Variants in CDK14 observed in about 807,000 individuals in gnomAD.
CDK14 encodes the protein cyclin-dependent kinase 14.
In CDK14, 34 loss-of-function variants were observed where a neutral mutation model predicts 60.7. The ratio of observed to expected loss-of-function variants is 0.56; its 90% CI spans 0.43 to 0.75. The LOEUF (loss-of-function observed/expected upper bound fraction) is 0.75. Ranked by LOEUF, CDK14 falls within the 30% of genes least tolerant of loss-of-function variation. The pLI, the probability that CDK14 is intolerant of heterozygous loss-of-function variation, is 0.00. For synonymous variants in CDK14, 197 were observed against 203.7 expected, an observed-to-expected ratio of 0.97 and a Z score of 0.28; for missense variants, 482 against 564.1, an observed-to-expected ratio of 0.85 and a Z score of 1.47.
intron 2 of CDK14, among the ~76,000 whole-genome samples, chr7:90,647,547 G>A (rs759830959): frequency 6.7e-6 from 1 of 148,734 alleles, no homozygotes; most frequent in Non-Finnish European, 1.5e-5. Context: ...AAGCAGTTTT[G>A]AGTGAAGGTG....
intron 7 of CDK14, among the ~76,000 whole-genome samples, chr7:90,908,416 C>T (rs1022142388): frequency 2.6e-5 from 4 of 152,080 alleles, no homozygotes; most frequent in Non-Finnish European, 5.9e-5. Context: ...CGTTAAAACC[C>T]AGATTGAAAA....
chr7:90,635,433 C>G (rs1277615842), intron 2 of CDK14, among the ~76,000 whole-genome samples: 1 of 152,136 alleles, frequency 6.6e-6, no homozygotes, highest in Admixed American at 6.6e-5. Context: ...TGTCAAAGAT[C>G]AGATAGTTGT....
intron 5 of CDK14, among the ~76,000 whole-genome samples, chr7:90,813,404 G>A (rs1040184332): frequency 2.0e-5 from 3 of 152,122 alleles, no homozygotes; most frequent in African/African-American, 7.2e-5. Flanking sequence ...GCATACAACT[G>A]GTGGGTTTTA....
At chr7:90,883,026 A>G (rs1482756988) in intron 6 of CDK14, among the ~76,000 whole-genome samples, 1 of 152,170 alleles carries the variant, frequency 6.6e-6, no homozygotes, top group Non-Finnish European at 1.5e-5. Context: ...CATCACAATT[A>G]AAAGAGCTAG....
chr7:90,755,038 G>A (rs1326156742), intron 4 of CDK14, among the ~76,000 whole-genome samples: 1 of 152,214 alleles, frequency 6.6e-6, no homozygotes, highest in African/African-American at 2.4e-5. Context: ...TTCAGCCACT[G>A]TGGAAATCAG....
At chr7:91,094,091 T>C (rs1366434494) in intron 12 of CDK14, among the ~76,000 whole-genome samples, 1 of 152,036 alleles carries the variant, frequency 6.6e-6, no homozygotes, top group Non-Finnish European at 1.5e-5. Flanking sequence ...ACCTGGGTAA[T>C]GGGATCATTC....
intron 2 of CDK14, among the ~76,000 whole-genome samples, chr7:90,683,118 A>G (rs1415338381): frequency 1.3e-5 from 2 of 152,184 alleles, no homozygotes; most frequent in South Asian, 4.1e-4. Flanking sequence ...CCCTAGAGTT[A>G]GCATTCATCG....
chr7:90,826,423 TG>T (rs1789724913), intron 5 of CDK14, among the ~76,000 whole-genome samples: 1 of 152,074 alleles, frequency 6.6e-6, no homozygotes, highest in South Asian at 2.1e-4. Context: ...TTCACCACGT[TG>T]TCCAGGCTGG....
chr7:91,196,230 C>T (rs923643484), intron 14 of CDK14, among the ~76,000 whole-genome samples: 7 of 152,078 alleles, frequency 4.6e-5, no homozygotes, highest in Admixed American at 3.9e-4. Flanking sequence ...TGATTGGTCA[C>T]GTTTGTCTAT....
intron 2 of CDK14, 92 bp downstream of exon 2, chr7:90,604,341 A>G: frequency 1.6e-6 from 1 of 644,802 alleles, no homozygotes. Context: ...AAACAAAAAA[A>G]ATGCCTTTAA....
intron 9 of CDK14, among the ~76,000 whole-genome samples, chr7:90,957,625 C>T (rs1196491598): frequency 6.6e-6 from 1 of 151,972 alleles, no homozygotes. Flanking sequence ...GAATAAAATA[C>T]CTAGGAATCC....
At chr7:90,775,598 C>A (rs983132351) in intron 4 of CDK14, among the ~76,000 whole-genome samples, 7 of 151,384 alleles carry the variant, frequency 4.6e-5, no homozygotes, top group African/African-American at 1.7e-4. Context: ...AAAGTAGGAC[C>A]AGAGAAAAAC....
intron 10 of CDK14, among the ~76,000 whole-genome samples, chr7:91,038,745 TG>T (rs1173839723): frequency 1.3e-5 from 2 of 152,192 alleles, no homozygotes; most frequent in Non-Finnish European, 2.9e-5. Flanking sequence ...GATGGAATTA[TG>T]GGGGTGGGTA....
chr7:90,706,760 G>T (rs2116630205), intron 2 of CDK14, among the ~76,000 whole-genome samples: 1 of 152,276 alleles, frequency 6.6e-6, no homozygotes, highest in South Asian at 2.1e-4. Flanking sequence ...AAGAAAAATT[G>T]TCCATTGTGA....
chr7:90,964,902 A>T (rs1794707390), intron 9 of CDK14, among the ~76,000 whole-genome samples: 1 of 152,124 alleles, frequency 6.6e-6, no homozygotes, highest in Admixed American at 6.6e-5. Flanking sequence ...CTTTTCCTGG[A>T]CTTAATAACT....
chr7:91,109,270 G>A (rs1799406410), intron 12 of CDK14, among the ~76,000 whole-genome samples: 4 of 152,074 alleles, frequency 2.6e-5, no homozygotes, highest in Admixed American at 2.6e-4. Context: ...CAGTGAAATG[G>A]TAATGTATAT....
intron 10 of CDK14, among the ~76,000 whole-genome samples, chr7:90,989,732 C>G (rs1407813449): frequency 6.6e-6 from 1 of 152,124 alleles, no homozygotes; most frequent in Non-Finnish European, 1.5e-5. Flanking sequence ...CCGCCCTCAC[C>G]CACTACCCCC....
intron 3 of CDK14, among the ~76,000 whole-genome samples, chr7:90,731,993 T>C (rs946234166): frequency 6.6e-6 from 1 of 152,168 alleles, no homozygotes; most frequent in African/African-American, 2.4e-5. Flanking sequence ...AAATAGCTCT[T>C]ATTATTTTGA....
chr7:90,755,749 G>T (rs1804029302), intron 4 of CDK14, among the ~76,000 whole-genome samples: 1 of 152,030 alleles, frequency 6.6e-6, no homozygotes, highest in African/African-American at 2.4e-5. Context: ...TCAAAGTAAT[G>T]GTCTAAATGA....
Sources: allele counts gnomAD v4.1 joint callset (sites outside exome capture counted in the v4.1 genomes callset), GRCh38; gene constraint gnomAD v4.1.1; transcripts MANE v1.5; gene names NCBI Gene and HGNC (gene_info 2026-07-23, HGNC 2026-07-21).